The following DCC variants were observed in gnomAD, a reference collection of about 807,000 sequenced individuals.
DCC encodes netrin receptor DCC.
A neutral mutation model predicts 172.5 loss-of-function variants in DCC; 58 were observed. The ratio of observed to expected loss-of-function variants is 0.34; its 90% CI spans 0.27 to 0.42. DCC has a LOEUF of 0.42. Ranked by LOEUF, DCC falls within the 10% of genes least tolerant of loss-of-function variation. The pLI, the probability that DCC is intolerant of heterozygous loss-of-function variation, is 1.00. For missense variants in DCC, 1,740 were observed against 1,791.0 expected (o/e 0.97, Z 0.51); for synonymous variants, 709 against 644.5 (o/e 1.10, Z -1.52).
intron 5 of DCC, among the ~76,000 whole-genome samples, chr18:53,053,935 T>G (rs1047615430): frequency 1.3e-5 from 2 of 152,122 alleles, no homozygotes; most frequent in African/African-American, 4.8e-5. Context: ...TCTATGTGTG[T>G]GCAGGACACT....
rs267605210 is a variant in DCC at position 53,499,327 on chromosome 18, C to T, written c.3928C>T (p.Pro1310Ser). The change falls in exon 27 of 29, where the codon CCA (proline) becomes TCA (serine). Residue 1310 changes from proline (P) to serine (S), a missense_variant. Around this residue, in one of 2 missense-constraint regions of DCC, gnomAD observed 1,732 missense variants for 1,767.4 expected, o/e 0.98. Coordinates refer to ENST00000442544, the MANE Select transcript of DCC (RefSeq NM_005215.4). ...GAGTGAAGGACCAACTACCCAACAACCACCTATGCTGCCCCCATCTCAGCC... is the reference window on the plus strand; with the variant it reads ...GAGTGAAGGACCAACTACCCAACAATCACCTATGCTGCCCCCATCTCAGCC... The part of the protein sequence containing the change: ...SVSEGPTTQQ[P>S]PMLPPSQPEH... 9 of 1,613,950 alleles carry T rather than the reference C, an allele frequency of 5.6e-6. No homozygotes were observed. The East Asian group carries it at 1.6e-4, about 28-fold the overall frequency.
At chr18:52,866,738 C>T (rs778047179) in intron 2 of DCC, among the ~76,000 whole-genome samples, 9 of 152,198 alleles carry the variant, frequency 5.9e-5, no homozygotes, top group South Asian at 2.1e-4. Flanking sequence ...ATTTTGTATC[C>T]GGAGACTTTG....
At chr18:53,279,453 C>A (rs1269960343) in intron 12 of DCC, among the ~76,000 whole-genome samples, 1 of 135,208 alleles carries the variant, frequency 7.4e-6, no homozygotes, top group Non-Finnish European at 1.5e-5. Context: ...ACAATGAGAA[C>A]ACATGGACAC....
chr18:53,013,257 T>C (rs2041756915), intron 5 of DCC, among the ~76,000 whole-genome samples: 2 of 152,124 alleles, frequency 1.3e-5, no homozygotes, highest in Admixed American at 6.6e-5. Context: ...CGTATGTTTA[T>C]TGCAGCACTA....
intron 1 of DCC, among the ~76,000 whole-genome samples, chr18:52,595,560 A>G (rs1291095140): frequency 6.6e-6 from 1 of 152,142 alleles, no homozygotes; most frequent in Non-Finnish European, 1.5e-5. Flanking sequence ...CCGCACCCTC[A>G]TTTTAAACAT....
chr18:52,357,826 T>A (rs1484726081), intron 1 of DCC, among the ~76,000 whole-genome samples: 1 of 151,698 alleles, frequency 6.6e-6, no homozygotes, highest in Non-Finnish European at 1.5e-5. Flanking sequence ...TAGTCCCAGC[T>A]ACTCGGGAGG....
At chr18:52,980,886 A>AT (rs1321119654) in intron 5 of DCC, among the ~76,000 whole-genome samples, 2 of 151,846 alleles carry the variant, frequency 1.3e-5, no homozygotes, top group East Asian at 3.9e-4. Context: ...GGCTAATCTG[A>AT]TTTTTTCATT....
chr18:52,986,865 CAT>C (rs2041304935), intron 5 of DCC, among the ~76,000 whole-genome samples: 1 of 147,704 alleles, frequency 6.8e-6, no homozygotes, highest in African/African-American at 2.5e-5. Flanking sequence ...CACAAACAGA[CAT>C]ATATATGCGC....
intron 1 of DCC, among the ~76,000 whole-genome samples, chr18:52,726,353 G>A (rs12455163): frequency 0.33 from 50,882 of 151,964 alleles, 8,733 homozygotes; most frequent in African/African-American, 0.39. Context: ...TGATTCTTGC[G>A]TAGTAATTGT....
At chr18:53,142,231 C>G (rs1054742765) in intron 7 of DCC, among the ~76,000 whole-genome samples, 2 of 152,202 alleles carry the variant, frequency 1.3e-5, no homozygotes, top group Non-Finnish European at 2.9e-5. Flanking sequence ...CAGCATGAAT[C>G]ATAAATGCTC....
At chr18:52,767,226 G>T (rs982915504) in intron 2 of DCC, among the ~76,000 whole-genome samples, 1 of 152,086 alleles carries the variant, frequency 6.6e-6, no homozygotes, top group Non-Finnish European at 1.5e-5. Flanking sequence ...GTGCTAGAAA[G>T]TAGTTGGATA....
intron 12 of DCC, among the ~76,000 whole-genome samples, chr18:53,232,846 C>T (rs1015352447): frequency 2.0e-5 from 3 of 152,078 alleles, no homozygotes; most frequent in Non-Finnish European, 2.9e-5. Flanking sequence ...ATATGACAGC[C>T]CCTGTGTTCA....
At chr18:52,634,029 G>GA (rs1368896215) in intron 1 of DCC, among the ~76,000 whole-genome samples, 2 of 152,248 alleles carry the variant, frequency 1.3e-5, no homozygotes, top group African/African-American at 4.8e-5. Context: ...CATTCAGGGA[G>GA]ATGCAATAGG....
intron 7 of DCC, among the ~76,000 whole-genome samples, chr18:53,146,669 A>T (rs922457099): frequency 2.0e-4 from 30 of 152,326 alleles, no homozygotes; most frequent in African/African-American, 7.0e-4. Flanking sequence ...TATTCAAGAA[A>T]AAAAAGGTCA....
At chr18:53,448,568 GTAT>G (rs900258937) in intron 22 of DCC, among the ~76,000 whole-genome samples, 2 of 152,138 alleles carry the variant, frequency 1.3e-5, no homozygotes, top group African/African-American at 4.8e-5. Flanking sequence ...AATCACGTCA[GTAT>G]TATTCCTAAA....
At chr18:53,320,565 C>A (rs528676249) in intron 13 of DCC, among the ~76,000 whole-genome samples, 2 of 152,068 alleles carry the variant, frequency 1.3e-5, no homozygotes, top group Non-Finnish European at 2.9e-5. Context: ...AAAAGATGAA[C>A]AAAATTAGAT....
intron 7 of DCC, among the ~76,000 whole-genome samples, chr18:53,146,936 T>G (rs2043924499): frequency 1.3e-5 from 2 of 152,358 alleles, no homozygotes; most frequent in South Asian, 4.1e-4. Context: ...ATTTAATGAT[T>G]TTTTTAAATT....
At chr18:53,409,946 C>G (rs563542664) in intron 19 of DCC, among the ~76,000 whole-genome samples, 97 of 152,284 alleles carry the variant, frequency 6.4e-4, no homozygotes, top group African/African-American at 2.2e-3. Context: ...GAAAGGAAAG[C>G]AACACCGCCC....
chr18:52,663,583 A>G (rs539787503), intron 1 of DCC, among the ~76,000 whole-genome samples: 7 of 152,348 alleles, frequency 4.6e-5, no homozygotes, highest in Non-Finnish European at 7.3e-5. Context: ...AAAAATTTTT[A>G]TAAGAAAGGA....
Sources: gnomAD v4.1 joint callset for allele counts (sites outside exome capture counted in the v4.1 genomes callset) on GRCh38, gnomAD v4.1.1 for gene constraint, gnomAD v4.1.1 regional missense constraint, MANE v1.5 for transcripts, NCBI Gene and HGNC (gene_info 2026-07-23, HGNC 2026-07-21) for gene names.